The following PPP1R14C variants were observed in gnomAD, a reference collection of about 807,000 sequenced individuals.
PPP1R14C encodes protein phosphatase 1 regulatory subunit 14C.
PPP1R14C carries 16 observed loss-of-function variants against 20.4 expected under a neutral mutation model. The observed-to-expected ratio is 0.78, with a 90% CI of 0.53 to 1.19. PPP1R14C has a LOEUF of 1.19. Ranked by LOEUF, PPP1R14C falls within the 50% of genes most tolerant of loss-of-function variation. PPP1R14C has a pLI of 0.00. For synonymous variants in PPP1R14C, 91 were observed against 91.0 expected (o/e 1.00, Z 0.00); for missense variants, 211 against 220.1 (o/e 0.96, Z 0.26).
chr6:150,197,929 G>A (rs1170439211), intron 1 of PPP1R14C, among the ~76,000 whole-genome samples: 1 of 118,628 alleles, frequency 8.4e-6, no homozygotes, highest in Non-Finnish European at 1.7e-5. Flanking sequence ...CGGTGGAGGA[G>A]GGCCTGGATG....
At chr6:150,149,704 G>A (rs1374570722) in intron 1 of PPP1R14C, among the ~76,000 whole-genome samples, 2 of 152,120 alleles carry the variant, frequency 1.3e-5, no homozygotes, top group Non-Finnish European at 2.9e-5. Context: ...GCATGTCAGT[G>A]TTGTTATTGG....
At chr6:150,235,692 C>T (rs568657022) in intron 3 of PPP1R14C, among the ~76,000 whole-genome samples, 1 of 152,274 alleles carries the variant, frequency 6.6e-6, no homozygotes, top group African/African-American at 2.4e-5. Flanking sequence ...TCCTCCTTCC[C>T]CTCCTCTTTC....
intron 1 of PPP1R14C, among the ~76,000 whole-genome samples, chr6:150,193,556 G>C (rs997010685): frequency 2.0e-5 from 3 of 151,614 alleles, no homozygotes; most frequent in African/African-American, 7.3e-5. Flanking sequence ...GACTTGGCTT[G>C]CATCCTGCAG....
chr6:150,144,871 T>G (rs767384361), intron 1 of PPP1R14C, among the ~76,000 whole-genome samples: 3 of 152,234 alleles, frequency 2.0e-5, no homozygotes, highest in Non-Finnish European at 2.9e-5. Context: ...TCATGAGATT[T>G]TTATAGGAAG....
At chr6:150,196,681 C>T (rs1777808678) in intron 1 of PPP1R14C, among the ~76,000 whole-genome samples, 2 of 152,192 alleles carry the variant, frequency 1.3e-5, no homozygotes, top group South Asian at 4.1e-4. Context: ...TCAATCACTT[C>T]ATTTGTTAAA....
intron 3 of PPP1R14C, among the ~76,000 whole-genome samples, chr6:150,231,695 T>C (rs1220145212): frequency 6.6e-6 from 1 of 152,224 alleles, no homozygotes; most frequent in African/African-American, 2.4e-5. Flanking sequence ...AGTATGCACA[T>C]GGATTATTTT....
At chr6:150,218,534 C>A (rs1179634736) in intron 3 of PPP1R14C, among the ~76,000 whole-genome samples, 1 of 143,276 alleles carries the variant, frequency 7.0e-6, no homozygotes, top group Non-Finnish European at 1.5e-5. Flanking sequence ...TGACTTTCTC[C>A]ACCTTTCAGG....
At chr6:150,164,604 A>G (rs145216252) in intron 1 of PPP1R14C, 10 of 188,690 alleles carry the variant, frequency 5.3e-5, no homozygotes, top group Admixed American at 4.2e-4. Flanking sequence ...AGTTCATAGC[A>G]TGATGATTGG....
chr6:150,229,719 A>T (rs1303390173), intron 3 of PPP1R14C, among the ~76,000 whole-genome samples: 2 of 152,224 alleles, frequency 1.3e-5, no homozygotes, highest in Non-Finnish European at 2.9e-5. Flanking sequence ...TAAGACCTTC[A>T]GGAATTTATG....
At chr6:150,155,184 A>G (rs1777292687) in intron 1 of PPP1R14C, among the ~76,000 whole-genome samples, 1 of 152,198 alleles carries the variant, frequency 6.6e-6, no homozygotes, top group Admixed American at 6.5e-5. Flanking sequence ...AGCATGACTG[A>G]ATCTATACTA....
intron 3 of PPP1R14C, among the ~76,000 whole-genome samples, chr6:150,236,388 G>C (rs1208350394): frequency 6.6e-6 from 1 of 152,192 alleles, no homozygotes. Flanking sequence ...TCGGGTGAGT[G>C]AATGCATTAA....
chr6:150,157,171 A>G (rs562316396), intron 1 of PPP1R14C, among the ~76,000 whole-genome samples: 23 of 152,260 alleles, frequency 1.5e-4, no homozygotes, highest in Non-Finnish European at 2.6e-4. Flanking sequence ...AAGGAAGGCA[A>G]AGAATGAGAT....
At chr6:150,219,078 A>G (rs1450519845) in intron 3 of PPP1R14C, among the ~76,000 whole-genome samples, 1 of 151,802 alleles carries the variant, frequency 6.6e-6, no homozygotes. Flanking sequence ...TCAGTTATTT[A>G]ACAGTATTTT....
intron 1 of PPP1R14C, among the ~76,000 whole-genome samples, chr6:150,161,503 A>C (rs117611832): frequency 6.6e-6 from 1 of 152,192 alleles, no homozygotes; most frequent in Non-Finnish European, 1.5e-5. Flanking sequence ...TTCGATTCTA[A>C]TCCATTACTA....
chr6:150,173,806 T>A (rs181634280), intron 1 of PPP1R14C, among the ~76,000 whole-genome samples: 1 of 152,228 alleles, frequency 6.6e-6, no homozygotes, highest in Non-Finnish European at 1.5e-5. Context: ...AGCCCAAGAC[T>A]GCAGACCTGA....
chr6:150,225,077 C>T (rs1778215646), intron 3 of PPP1R14C, among the ~76,000 whole-genome samples: 1 of 151,704 alleles, frequency 6.6e-6, no homozygotes, highest in African/African-American at 2.4e-5. Flanking sequence ...TCAGGCTCTA[C>T]TAAAACCCTG....
chr6:150,202,718 C>T (rs1044366019), intron 1 of PPP1R14C, among the ~76,000 whole-genome samples: 5 of 152,334 alleles, frequency 3.3e-5, no homozygotes, highest in African/African-American at 1.2e-4. Context: ...GTATGACTCA[C>T]ACCTGGACCT....
chr6:150,153,710 T>G (rs766997059), intron 1 of PPP1R14C, among the ~76,000 whole-genome samples: 1 of 152,204 alleles, frequency 6.6e-6, no homozygotes, highest in Non-Finnish European at 1.5e-5. Context: ...TCTGTTCCAC[T>G]GAGTAAAAGC....
At chr6:150,174,337 A>G (rs1777533613) in intron 1 of PPP1R14C, among the ~76,000 whole-genome samples, 1 of 152,004 alleles carries the variant, frequency 6.6e-6, no homozygotes, top group Admixed American at 6.5e-5. Context: ...CTCCTGCCTC[A>G]GCCTCCTGAG....
Sources: allele counts gnomAD v4.1 joint callset (sites outside exome capture counted in the v4.1 genomes callset), GRCh38; gene constraint gnomAD v4.1.1; transcripts MANE v1.5; gene names NCBI Gene and HGNC (gene_info 2026-07-23, HGNC 2026-07-21).